The following LARP1 variants were observed in gnomAD, a reference collection of about 807,000 sequenced individuals.
LARP1 encodes La ribonucleoprotein 1, translational regulator.
In LARP1, 36 loss-of-function variants were observed where a neutral mutation model predicts 122.7. That is an observed-to-expected ratio of 0.29 (90% confidence interval 0.22 to 0.39). The LOEUF (loss-of-function observed/expected upper bound fraction) is 0.39, where lower values mean the gene tolerates loss of function less well. Ranked by LOEUF, LARP1 falls within the 10% of genes least tolerant of loss-of-function variation. LARP1 has a pLI of 1.00. For synonymous variants in LARP1, 539 were observed against 528.7 expected, an observed-to-expected ratio of 1.02 and a Z score of -0.27; for missense variants, 1,040 against 1,403.6, an observed-to-expected ratio of 0.74 and a Z score of 4.14.
rs763157777 is a variant in LARP1 at position 154,812,525 on chromosome 5, C to CT, written c.3081+896dup. ...TAAAAGCCCCCCCCCCCCACCCCCC[C>CT]TTTTTTTTTTTGGAGACAGAGTCTT... On this transcript the variant is annotated intron_variant, in intron 18 of 18. Transcript: ENST00000518297. Among the ~76,000 whole-genome samples the CT allele has an allele frequency of 1.4e-3, 138 of 101,736 alleles. 2 individuals are homozygous for CT. Among genetic ancestry groups the CT allele is most frequent in the African/African-American group, 3.8e-3 (104 of 27,220 alleles). 66.7% of individuals were successfully genotyped at this position (101,736 alleles called of 152,430 possible). A position where few individuals can be genotyped will look rare whatever the true frequency, so the allele number is the denominator to read the frequency against.
At chr5:154,727,007 A>C (rs1756258082) in intron 1 of LARP1, among the ~76,000 whole-genome samples, 1 of 152,204 alleles carries the variant, frequency 6.6e-6, no homozygotes. Context: ...ACATGTGGGG[A>C]TCATTATAAT....
At position 154,797,854 on chromosome 5, in the gene LARP1, T is replaced by C. The variant is rs1271935598; in HGVS notation, c.1378-1737T>C. ...AGGTGCACACCACGTGTGGCTAATT[T>C]TTAAATTTTTTGTAGAGATGAGGTC... On this transcript the variant is annotated intron_variant, in intron 8 of 18. Coordinates refer to ENST00000518297, the MANE Select transcript of LARP1 (RefSeq NM_033551.3). 5.3e-5 allele frequency among the ~76,000 whole-genome samples: 8 copies of C among 152,222 alleles called. No homozygotes were observed. In the East Asian group the frequency reaches 1.2e-3, roughly 22 times the overall value.
Position 154,811,560 on chromosome 5 carries a change from A to C in LARP1, c.3001A>C (p.Lys1001Gln), listed in dbSNP as rs778895136. 15 of 1,614,110 alleles carry C rather than the reference A, an allele frequency of 9.3e-6. No individual in the cohort carries two copies. The highest frequency in any genetic ancestry group is 1.3e-5 in the African/African-American group (1 of 74,946). ...GTTCTGGGCCTTCTTGAAATATTCC[A>C]AAGCCAAAAATTTGGACATTGACCC... The part of the protein sequence containing the change: ...EKFWAFLKYS[K>Q]AKNLDIDPKL... The change falls in exon 18 of 19, where the codon AAA becomes CAA. Residue 1001 changes from lysine to glutamine, a missense_variant. Coordinates refer to ENST00000518297, the MANE Select transcript of LARP1 (RefSeq NM_033551.3).
chr5:154,814,892 A>G lies in LARP1; in HGVS notation c.*796A>G, dbSNP rs1303831224. 5 of 151,702 alleles carry G rather than the reference A, an allele frequency of 3.3e-5. No individual in the cohort carries two copies. The highest frequency in any genetic ancestry group is 6.6e-5 in the Admixed American group (1 of 15,224). The allele number at this position is 151,702 out of a possible 1,614,324, so 9.4% of individuals were successfully genotyped here. ...GAAGAAAAAAGACAAAATCGACCAT[A>G]AAAGACCAAAAAAAAAAAAAAAATC... On this transcript the variant is annotated 3_prime_UTR_variant, in exon 19 of 19. Transcript: ENST00000518297.
At position 154,806,004 on chromosome 5, in the gene LARP1, C is replaced by T; in HGVS notation, c.2670C>T (p.Tyr890=). The T allele has an allele frequency of 6.2e-7, 1 of 1,614,110 alleles. No homozygotes were observed. Among genetic ancestry groups the T allele is most frequent in the Non-Finnish European group, 8.5e-7 (1 of 1,180,028 alleles). ...LKENGFTQHV[Y]HKYRRRCLNE... ...AAAATGGCTTCACACAACACGTCTA[C>T]CATAAGTATCGTAGGCGCTGCCTTA... Residue 890 remains tyrosine (Y), a synonymous_variant, in exon 15 of 19, where the codon TAC becomes TAT. Transcript: ENST00000518297.
upstream of LARP1, among the ~76,000 whole-genome samples, chr5:154,711,752 C>T (rs1755235443): frequency 6.6e-6 from 1 of 152,204 alleles, no homozygotes; most frequent in Non-Finnish European, 1.5e-5. Context: ...AGGGATTGGA[C>T]TATATTGTAG....
At chr5:154,808,007 T>C (rs1758929338) in intron 15 of LARP1, among the ~76,000 whole-genome samples, 1 of 152,240 alleles carries the variant, frequency 6.6e-6, no homozygotes, top group Non-Finnish European at 1.5e-5. Flanking sequence ...ATATTCATTT[T>C]CTCTTGTTTT....
chr5:154,703,661 C>T (rs931999881), intron 1 of LARP1, among the ~76,000 whole-genome samples: 1 of 152,162 alleles, frequency 6.6e-6, no homozygotes, highest in Non-Finnish European at 1.5e-5. Flanking sequence ...TGCTCTGTCT[C>T]CCAGGCTGGA....
intron 1 of LARP1, among the ~76,000 whole-genome samples, chr5:154,779,224 T>G (rs1756190823): frequency 6.6e-6 from 1 of 152,224 alleles, no homozygotes; most frequent in African/African-American, 2.4e-5. Flanking sequence ...AAGCTGTCAT[T>G]TTGCCTCCTC....
rs1249410148 is a variant in LARP1 at position 154,768,576 on chromosome 5, T to TTA, written c.436+12384_436+12385insAT. Among the ~76,000 whole-genome samples, 143 of 152,116 alleles carry TTA rather than the reference T, an allele frequency of 9.4e-4. 2 individuals carry two copies. In the East Asian group the frequency reaches 0.023, roughly 24 times the overall value. ...TGTACCCTATTTTTTATTTATTTAT[T>TTA]TTTATTTATTTATTTATTTATTTGA... On this transcript the variant is annotated intron_variant, in intron 1 of 18. Transcript: ENST00000518297.
intron 1 of LARP1, among the ~76,000 whole-genome samples, chr5:154,781,235 C>G (rs1446817995): frequency 6.6e-6 from 1 of 152,158 alleles, no homozygotes; most frequent in African/African-American, 2.4e-5. Flanking sequence ...TTCTGAAGTC[C>G]AGGGCCTAGG....
At position 154,793,585 on chromosome 5, in the gene LARP1, T is replaced by C; in HGVS notation, c.740-10T>C. 1 of 1,614,190 alleles carries C rather than the reference T, an allele frequency of 6.2e-7. No homozygotes were observed. Among genetic ancestry groups the C allele is most frequent in the Non-Finnish European group, 8.5e-7 (1 of 1,180,026 alleles). ...TCAAGCCTTTCTCATGTACCCATGC[T>C]GTCTCCCAGGAAACAAACACAAGTG... On this transcript the variant is annotated splice_polypyrimidine_tract_variant and intron_variant, in intron 4 of 18. Coordinates refer to ENST00000518297, the MANE Select transcript of LARP1 (RefSeq NM_033551.3).
intron 1 of LARP1, among the ~76,000 whole-genome samples, chr5:154,689,949 C>A (rs959503674): frequency 1.6e-4 from 24 of 152,150 alleles, no homozygotes; most frequent in South Asian, 1.2e-3. Context: ...CGTGGTGGCA[C>A]GCGCCTGCTT....
At chr5:154,746,225 A>G (rs1215134190) in intron 1 of LARP1, among the ~76,000 whole-genome samples, 1 of 151,950 alleles carries the variant, frequency 6.6e-6, no homozygotes, top group African/African-American at 2.4e-5. Flanking sequence ...GGGAGGGACC[A>G]TGTCTTGTCC....
intron 1 of LARP1, among the ~76,000 whole-genome samples, chr5:154,736,177 A>G (rs542425330): frequency 6.6e-6 from 1 of 150,650 alleles, no homozygotes; most frequent in Admixed American, 6.6e-5. Context: ...GCTCACTGTA[A>G]CCTCTACCTC....
intron 1 of LARP1, among the ~76,000 whole-genome samples, chr5:154,733,472 G>T (rs1187410834): frequency 1.3e-5 from 2 of 152,198 alleles, no homozygotes. Context: ...TGGGATTACA[G>T]CTATGAGCCA....
At chr5:154,807,013 A>G (rs1409155959) in intron 15 of LARP1, among the ~76,000 whole-genome samples, 1 of 152,172 alleles carries the variant, frequency 6.6e-6, no homozygotes, top group East Asian at 1.9e-4. Context: ...CTATGAAACT[A>G]CTAACCTACT....
upstream of LARP1, chr5:154,712,795 C>A: frequency 1.3e-6 from 1 of 750,554 alleles, no homozygotes; most frequent in Non-Finnish European, 2.3e-6. Flanking sequence ...CTTAAAGGCA[C>A]CCAGCGTCTG....
At chr5:154,770,232 ATTTT>A (rs113245853) in intron 1 of LARP1, among the ~76,000 whole-genome samples, 1 of 141,270 alleles carries the variant, frequency 7.1e-6, no homozygotes, top group Non-Finnish European at 1.6e-5. Flanking sequence ...CTTGGGCCTG[ATTTT>A]TTTTTTTTTT....
Sources: gnomAD v4.1 joint callset for allele counts (sites outside exome capture counted in the v4.1 genomes callset) on GRCh38, gnomAD v4.1.1 for gene constraint, MANE v1.5 for transcripts, NCBI Gene and HGNC (gene_info 2026-07-23, HGNC 2026-07-21) for gene names.